Variants in EHD4 observed in about 807,000 individuals in gnomAD.
EHD4 encodes EH domain containing 4, also known as EH domain-containing protein 4.
Under a neutral mutation model 51.0 loss-of-function variants are expected in EHD4, and 37 were observed. The observed-to-expected ratio is 0.73, with a 90% CI of 0.56 to 0.95. EHD4 has a LOEUF of 0.95. EHD4 is among the 40% of genes least tolerant of loss of function. The probability of loss-of-function intolerance (pLI) is 0.00; values close to 1 mark genes in which losing one functional copy is unlikely to be tolerated. For synonymous variants in EHD4, 297 were observed against 317.3 expected, an observed-to-expected ratio of 0.94 and a Z score of 0.68; for missense variants, 632 against 733.1, an observed-to-expected ratio of 0.86 and a Z score of 1.59.
intron 3 of EHD4, among the ~76,000 whole-genome samples, chr15:41,938,650 A>G (rs1428301108): frequency 6.6e-6 from 1 of 152,248 alleles, no homozygotes; most frequent in East Asian, 1.9e-4. Flanking sequence ...AAATTTAGAT[A>G]GAGCTTTTTC....
In EHD4 at chr15:41,911,947, C is replaced by T. The variant is rs544791293; in HGVS notation, c.925-2084G>A. On this transcript the variant is annotated intron_variant, in intron 4 of 5. Coordinates refer to ENST00000220325, the MANE Select transcript of EHD4 (RefSeq NM_139265.4). ...CACCCACTCCCTGCCGCCCACCCCC[C>T]GAGGTTGGGCACACTGTTCCTGAAC... is the stretch of plus-strand genomic sequence containing the variant. 5.9e-5 allele frequency among the ~76,000 whole-genome samples: 9 copies of T among 152,286 alleles called. No homozygotes were observed. The South Asian group carries it at 1.0e-3, about 18-fold the overall frequency.
At chr15:41,951,026 C>T (rs1483806980) in intron 2 of EHD4, among the ~76,000 whole-genome samples, 5 of 152,166 alleles carry the variant, frequency 3.3e-5, no homozygotes, top group African/African-American at 1.2e-4. Context: ...TAACCCTAAC[C>T]CTAACCCTAA....
At chr15:41,945,923 G>GT (rs2067809324) in intron 2 of EHD4, among the ~76,000 whole-genome samples, 2 of 152,214 alleles carry the variant, frequency 1.3e-5, no homozygotes, top group South Asian at 4.1e-4. Flanking sequence ...ACTGGGCAAG[G>GT]TATGTCGTGT....
At chr15:41,906,019 G>A (rs1202833494) in intron 5 of EHD4, among the ~76,000 whole-genome samples, 1 of 152,226 alleles carries the variant, frequency 6.6e-6, no homozygotes, top group Non-Finnish European at 1.5e-5. Context: ...GCCTAGAACA[G>A]TGATAGCAGC....
In EHD4 at chr15:41,929,241, A is replaced by T. The variant is rs145198270; in HGVS notation, c.512-9619T>A. Among the ~76,000 whole-genome samples the T allele has an allele frequency of 2.6e-5, 4 of 152,290 alleles. No individual in the cohort carries two copies. The East Asian group carries it at 7.7e-4, about 29-fold the overall frequency. On this transcript the variant is annotated intron_variant, in intron 3 of 5. Coordinates refer to ENST00000220325, the MANE Select transcript of EHD4 (RefSeq NM_139265.4). The stretch of plus-strand genomic sequence containing the variant: ...GATTTTGTCCAAGACTCTGTAAATT[A>T]ATTTTTCTGTGCCTGTTTCCTCATA...
At chr15:41,940,625 G>A (rs943596374) in intron 3 of EHD4, among the ~76,000 whole-genome samples, 1 of 152,184 alleles carries the variant, frequency 6.6e-6, no homozygotes, top group African/African-American at 2.4e-5. Flanking sequence ...CGGTGTGGCA[G>A]GGACCGCCGA....
At chr15:41,919,076 C>T (rs982661741) in intron 4 of EHD4, 134 bp downstream of exon 4, 1 of 1,191,330 alleles carries the variant, frequency 8.4e-7, no homozygotes, top group Non-Finnish European at 1.2e-6. Context: ...GACCTCGAGG[C>T]TGTATTCTTA....
chr15:41,950,871 T>C (rs925224695), intron 2 of EHD4, among the ~76,000 whole-genome samples: 1 of 152,198 alleles, frequency 6.6e-6, no homozygotes, highest in South Asian at 2.1e-4. Context: ...CATTTGTAGA[T>C]TGGCAACAGT....
chr15:41,929,313 A>T (rs12101334), intron 3 of EHD4, among the ~76,000 whole-genome samples: 25,212 of 152,162 alleles, frequency 0.17, 2,616 homozygotes, highest in Middle Eastern at 0.36. Context: ...CCTCTGGGGG[A>T]TATGTGACAA....
At chr15:41,941,055 A>G (rs1214091434) in intron 3 of EHD4, among the ~76,000 whole-genome samples, 2 of 152,162 alleles carry the variant, frequency 1.3e-5, no homozygotes, top group East Asian at 3.8e-4. Flanking sequence ...CTGCTTTATT[A>G]TCCATACTAT....
At chr15:41,916,917 G>A (rs1042756363) in intron 4 of EHD4, among the ~76,000 whole-genome samples, 10 of 152,124 alleles carry the variant, frequency 6.6e-5, no homozygotes, top group South Asian at 2.1e-4. Context: ...AAGTTTGACC[G>A]TCCCCCACTC....
chr15:41,930,578 A>C (rs1288695441), intron 3 of EHD4, among the ~76,000 whole-genome samples: 1 of 152,222 alleles, frequency 6.6e-6, no homozygotes, highest in Non-Finnish European at 1.5e-5. Context: ...CTAGAAAGCA[A>C]CTTCTGACCT....
intron 3 of EHD4, chr15:41,921,596 C>G (rs930365231): frequency 2.0e-5 from 3 of 152,260 alleles, no homozygotes; most frequent in Admixed American, 6.5e-5. Flanking sequence ...ATAGATGGAC[C>G]TGCATGGGGA....
At chr15:41,933,133 G>A (rs572466172) in intron 3 of EHD4, among the ~76,000 whole-genome samples, 3 of 152,304 alleles carry the variant, frequency 2.0e-5, no homozygotes, top group South Asian at 2.1e-4. Context: ...ACAGGAGTGT[G>A]CCTGCATCTC....
intron 5 of EHD4, among the ~76,000 whole-genome samples, chr15:41,907,913 C>T (rs1233580926): frequency 6.6e-6 from 1 of 151,290 alleles, no homozygotes; most frequent in Non-Finnish European, 1.5e-5. Flanking sequence ...GCCTGTGTCA[C>T]CCAGGCTGGA....
intron 3 of EHD4, among the ~76,000 whole-genome samples, chr15:41,939,637 TAAAAATAC>T (rs2067754047): frequency 6.6e-6 from 1 of 150,742 alleles, no homozygotes; most frequent in South Asian, 2.1e-4. Context: ...CCGTCACTTC[TAAAAATAC>T]AAAAATTAGC....
chr15:41,954,071 C>G (rs147297144), intron 1 of EHD4, 131 bp from the exon 2 acceptor site: 4 of 965,688 alleles, frequency 4.1e-6, no homozygotes, highest in South Asian at 1.5e-5. Context: ...AAGAAAAGCA[C>G]GCAATCCTCC....
At position 41,896,167 on chromosome 15, in the gene EHD4, G is replaced by A. The variant is rs1322716123; in HGVS notation, c.*4478C>T. 1 of 152,126 alleles carries A rather than the reference G, an allele frequency of 6.6e-6. No individual in the cohort carries two copies. Among genetic ancestry groups the A allele is most frequent in the Non-Finnish European group, 1.5e-5 (1 of 68,054 alleles). The allele number at this position is 152,126 out of a possible 1,614,324, so 9.4% of individuals were successfully genotyped here. A position where few individuals can be genotyped will look rare whatever the true frequency, so the allele number is the denominator to read the frequency against. ...AAAAATATCTAGTAGGAATAGGAAGGACTTCAGGTGAGGTTTGATCCAGCA... is the reference window on the plus strand; with the variant it reads ...AAAAATATCTAGTAGGAATAGGAAGAACTTCAGGTGAGGTTTGATCCAGCA... On this transcript the variant is annotated 3_prime_UTR_variant, in exon 6 of 6. Coordinates refer to ENST00000220325, the MANE Select transcript of EHD4 (RefSeq NM_139265.4).
chr15:41,925,225 T>C (rs1029249613), intron 3 of EHD4, among the ~76,000 whole-genome samples: 2 of 152,194 alleles, frequency 1.3e-5, no homozygotes, highest in African/African-American at 4.8e-5. Flanking sequence ...AGTTGAAATC[T>C]GTTCATCAAG....
Sources: allele counts gnomAD v4.1 joint callset (sites outside exome capture counted in the v4.1 genomes callset), GRCh38; gene constraint gnomAD v4.1.1; transcripts MANE v1.5; gene names NCBI Gene and HGNC (gene_info 2026-07-23, HGNC 2026-07-21).